Variants in ARMH3 observed in about 807,000 individuals in gnomAD.
ARMH3 encodes the protein armadillo like helical domain containing 3.
Under a neutral mutation model 99.1 loss-of-function variants are expected in ARMH3, and 60 were observed. The observed-to-expected ratio is 0.61, with a 90% confidence interval of 0.49 to 0.75. The LOEUF (loss-of-function observed/expected upper bound fraction) is 0.75, where lower values mean the gene tolerates loss of function less well. ARMH3 is among the 30% of genes least tolerant of loss of function. ARMH3 has a pLI of 0.00. For missense variants in ARMH3, 679 were observed against 843.1 expected, an observed-to-expected ratio of 0.81 and a Z score of 2.41; for synonymous variants, 285 against 292.8, an observed-to-expected ratio of 0.97 and a Z score of 0.27.
intron 22 of ARMH3, among the ~76,000 whole-genome samples, chr10:101,951,349 C>G (rs1337830498): frequency 1.3e-5 from 2 of 152,044 alleles, no homozygotes; most frequent in African/African-American, 4.8e-5. Flanking sequence ...GCAGGAGGAT[C>G]GCTTGAGCCC....
At chr10:101,847,771 C>A (rs1377739322) in intron 25 of ARMH3, 151 bp from the exon 26 acceptor site, 1 of 692,784 alleles carries the variant, frequency 1.4e-6, no homozygotes, top group Admixed American at 2.3e-5. Context: ...ATTATCCCTG[C>A]AGGCAAATGA....
At chr10:102,047,556 G>A (rs370801152) in intron 1 of ARMH3, among the ~76,000 whole-genome samples, 4 of 150,742 alleles carry the variant, frequency 2.7e-5, no homozygotes, top group Admixed American at 6.6e-5. Flanking sequence ...GCATGATCTC[G>A]GCTCACGGCA....
chr10:101,986,015 CA>C (rs893098014), intron 19 of ARMH3, among the ~76,000 whole-genome samples: 1 of 148,554 alleles, frequency 6.7e-6, no homozygotes, highest in Admixed American at 6.7e-5. Context: ...GACTCTGTCT[CA>C]AAAAAAAATA....
At chr10:102,049,864 A>AT (rs1214349959) in intron 1 of ARMH3, among the ~76,000 whole-genome samples, 1 of 151,868 alleles carries the variant, frequency 6.6e-6, no homozygotes, top group East Asian at 2.0e-4. Flanking sequence ...GCCCCAACCT[A>AT]TTTTTACAAT....
intron 20 of ARMH3, among the ~76,000 whole-genome samples, chr10:101,973,858 TA>T (rs1845879525): frequency 6.6e-6 from 1 of 152,254 alleles, no homozygotes; most frequent in Non-Finnish European, 1.5e-5. Flanking sequence ...GTACTTATTA[TA>T]AATCCAACAA....
intron 23 of ARMH3, among the ~76,000 whole-genome samples, chr10:101,902,857 C>T (rs2068013958): frequency 6.6e-6 from 1 of 152,098 alleles, no homozygotes; most frequent in South Asian, 2.1e-4. Context: ...CAGCTCCAAA[C>T]ATTCATCATA....
intron 15 of ARMH3, among the ~76,000 whole-genome samples, chr10:102,000,247 C>CA (rs1435929236): frequency 1.3e-5 from 2 of 151,880 alleles, no homozygotes; most frequent in East Asian, 3.9e-4. Flanking sequence ...TTTTTCATTA[C>CA]AAAAAATGGA....
At chr10:102,006,755 T>C (rs938701967) in intron 13 of ARMH3, 122 bp from the exon 14 acceptor site, 1 of 758,618 alleles carries the variant, frequency 1.3e-6, no homozygotes, top group Non-Finnish European at 2.1e-6. Context: ...TGAGACAGCA[T>C]CTTGCTATGT....
chr10:101,968,653 C>T (rs1019000513), intron 20 of ARMH3, among the ~76,000 whole-genome samples: 4 of 152,146 alleles, frequency 2.6e-5, no homozygotes, highest in Non-Finnish European at 5.9e-5. Context: ...GGGGCTTTTA[C>T]GTGGGAATCT....
chr10:101,922,116 T>C (rs1034991096), intron 23 of ARMH3, among the ~76,000 whole-genome samples: 14 of 152,212 alleles, frequency 9.2e-5, no homozygotes, highest in Non-Finnish European at 1.5e-4. Context: ...AACATATAAA[T>C]ATTATACATC....
intron 20 of ARMH3, among the ~76,000 whole-genome samples, chr10:101,971,024 G>C (rs999618129): frequency 6.9e-6 from 1 of 145,672 alleles, no homozygotes; most frequent in African/African-American, 2.5e-5. Flanking sequence ...TTGAGCCCAG[G>C]AGACAGAGGT....
intron 8 of ARMH3, among the ~76,000 whole-genome samples, chr10:102,017,081 C>A (rs988224427): frequency 1.3e-5 from 2 of 152,192 alleles, no homozygotes; most frequent in African/African-American, 4.8e-5. Flanking sequence ...AAGGTTACAA[C>A]TTACCCCATT....
chr10:101,939,440 G>A (rs758173963), intron 23 of ARMH3, among the ~76,000 whole-genome samples: 10 of 152,040 alleles, frequency 6.6e-5, no homozygotes, highest in Non-Finnish European at 1.5e-4. Flanking sequence ...CAGCCCCATG[G>A]ACTCCAATTG....
intron 23 of ARMH3, among the ~76,000 whole-genome samples, chr10:101,918,201 G>A (rs1386116878): frequency 6.6e-6 from 1 of 152,028 alleles, no homozygotes; most frequent in Non-Finnish European, 1.5e-5. Context: ...CTACAGGTGT[G>A]CACCACCACA....
At chr10:101,860,429 A>AT (rs2066840300) in intron 24 of ARMH3, among the ~76,000 whole-genome samples, 1 of 152,204 alleles carries the variant, frequency 6.6e-6, no homozygotes, top group Non-Finnish European at 1.5e-5. Flanking sequence ...CAGATACTGG[A>AT]TATCAGGCAG....
At chr10:101,895,359 A>C (rs2067799431) in intron 23 of ARMH3, among the ~76,000 whole-genome samples, 1 of 149,604 alleles carries the variant, frequency 6.7e-6, no homozygotes, top group South Asian at 2.1e-4. Flanking sequence ...GGCTCACTGC[A>C]AGCTCCACCT....
At chr10:102,034,976 C>T (rs1398781152) in intron 2 of ARMH3, among the ~76,000 whole-genome samples, 1 of 152,142 alleles carries the variant, frequency 6.6e-6, no homozygotes, top group Non-Finnish European at 1.5e-5. Flanking sequence ...GTGGCTCACA[C>T]CTGTAACGTC....
chr10:101,944,508 G>A (rs1844429243), intron 22 of ARMH3, among the ~76,000 whole-genome samples: 1 of 151,816 alleles, frequency 6.6e-6, no homozygotes, highest in Non-Finnish European at 1.5e-5. Flanking sequence ...CAATGATAAA[G>A]AGAAAATATT....
intron 2 of ARMH3, among the ~76,000 whole-genome samples, chr10:102,034,145 C>G (rs111709179): frequency 1.1e-3 from 168 of 152,264 alleles, no homozygotes; most frequent in African/African-American, 3.8e-3. Context: ...TTACAGCATG[C>G]TGTGTTGACT....
Sources: allele counts gnomAD v4.1 joint callset (sites outside exome capture counted in the v4.1 genomes callset), GRCh38; gene constraint gnomAD v4.1.1; transcripts MANE v1.5; gene names NCBI Gene and HGNC (gene_info 2026-07-23, HGNC 2026-07-21).